Variants in HS3ST3A1 observed in about 807,000 individuals in gnomAD.
The protein encoded by HS3ST3A1 is heparan sulfate-glucosamine 3-sulfotransferase 3A1.
In HS3ST3A1, 19 loss-of-function variants were observed where a neutral mutation model predicts 25.7. The observed-to-expected ratio is 0.74, with a 90% confidence interval of 0.52 to 1.08. The LOEUF is 1.08. Ranked by LOEUF, HS3ST3A1 falls within the 50% of genes least tolerant of loss-of-function variation. The pLI, the probability that HS3ST3A1 is intolerant of heterozygous loss-of-function variation, is 0.00. For synonymous variants in HS3ST3A1, 226 were observed against 278.6 expected, an observed-to-expected ratio of 0.81 and a Z score of 1.88; for missense variants, 459 against 594.3, an observed-to-expected ratio of 0.77 and a Z score of 2.37.
intron 1 of HS3ST3A1, among the ~76,000 whole-genome samples, chr17:13,551,763 G>A (rs1478316032): frequency 6.6e-6 from 1 of 152,028 alleles, no homozygotes; most frequent in Non-Finnish European, 1.5e-5. Flanking sequence ...ATTAGTTAAG[G>A]TCCAATGACC....
chr17:13,597,151 C>A (rs555560432), intron 1 of HS3ST3A1, among the ~76,000 whole-genome samples: 45 of 152,016 alleles, frequency 3.0e-4, no homozygotes, highest in Non-Finnish European at 5.7e-4. Context: ...ATAAATATTT[C>A]CTATCTTGTA....
At chr17:13,573,503 CT>C (rs1385760617) in intron 1 of HS3ST3A1, among the ~76,000 whole-genome samples, 1 of 152,098 alleles carries the variant, frequency 6.6e-6, no homozygotes, top group African/African-American at 2.4e-5. Context: ...TTTATGATTC[CT>C]TTTTAGTCTC....
rs1172611976 is a variant in HS3ST3A1, at chr17:13,524,638, C to T, written c.600-27820G>A. 3.3e-5 allele frequency among the ~76,000 whole-genome samples: 5 copies of T among 152,248 alleles called. No individual in the cohort carries two copies. In the East Asian group the frequency reaches 5.8e-4, roughly 18 times the overall value. On this transcript the variant is annotated intron_variant, in intron 1 of 1. Transcript: ENST00000284110. ...AATGTATTAGAATATTCCACCAGTA[C>T]TGTGGTATTTTTAAAAAATTTCTAC...
At chr17:13,531,232 T>C (rs1906595447) in intron 1 of HS3ST3A1, among the ~76,000 whole-genome samples, 1 of 152,222 alleles carries the variant, frequency 6.6e-6, no homozygotes, top group East Asian at 1.9e-4. Flanking sequence ...TTAAAACATG[T>C]CCATTAGTAA....
intron 1 of HS3ST3A1, among the ~76,000 whole-genome samples, chr17:13,571,258 CT>C (rs1907801890): frequency 6.6e-6 from 1 of 152,140 alleles, no homozygotes; most frequent in Non-Finnish European, 1.5e-5. Context: ...CCGAAATACT[CT>C]GTGTGACGGC....
At chr17:13,508,707 C>T (rs1210294105) in intron 1 of HS3ST3A1, among the ~76,000 whole-genome samples, 1 of 152,176 alleles carries the variant, frequency 6.6e-6, no homozygotes, top group African/African-American at 2.4e-5. Flanking sequence ...CTCCTAGGAG[C>T]CGGTGTGCTT....
chr17:13,513,393 A>C (rs576263037), intron 1 of HS3ST3A1, among the ~76,000 whole-genome samples: 74 of 152,356 alleles, frequency 4.9e-4, no homozygotes, highest in Non-Finnish European at 4.9e-4. Flanking sequence ...TTTTAAAAAA[A>C]TTAAACTTCA....
In HS3ST3A1 at chr17:13,494,979, A is replaced by G. The variant is rs1905229072; in HGVS notation, c.*1218T>C. 6.6e-6 allele frequency among the ~76,000 whole-genome samples: 1 copy of G among 152,204 alleles called. No homozygotes were observed. The highest frequency in any genetic ancestry group is 6.5e-5 in the Admixed American group (1 of 15,276). On this transcript the variant is annotated 3_prime_UTR_variant, in exon 2 of 2. Transcript: ENST00000284110. ...AAAATGATAGTCCTCCATCCATGAA[A>G]AATAAAAACATTTTAAACGAACTGC...
chr17:13,600,671 CGGCA>C lies in HS3ST3A1; in HGVS notation c.455_458del (p.Leu152ArgfsTer8), dbSNP rs1908699761. The C allele has an allele frequency of 6.3e-7, 1 of 1,587,900 alleles. No individual in the cohort carries two copies. ...TCTTCACTCCGATGATGATGGCCTGCGGCAGCTGCTTGCTGCCTTCGTCCAGGAG... is the reference window on the plus strand; with the variant it reads ...TCTTCACTCCGATGATGATGGCCTGCGCTGCTTGCTGCCTTCGTCCAGGAG... On this transcript the variant is annotated frameshift_variant, in exon 1 of 2. Transcript: ENST00000284110. LOFTEE classifies it high-confidence loss of function.
intron 1 of HS3ST3A1, among the ~76,000 whole-genome samples, chr17:13,590,326 T>TAA (rs59735905): frequency 0.09 from 13,256 of 147,400 alleles, 673 homozygotes; most frequent in Non-Finnish European, 0.12. Flanking sequence ...TCTGTGAGGT[T>TAA]AAAAAAAAAA....
chr17:13,524,578 T>C (rs756162530), intron 1 of HS3ST3A1, among the ~76,000 whole-genome samples: 2 of 152,198 alleles, frequency 1.3e-5, no homozygotes, highest in Non-Finnish European at 2.9e-5. Context: ...ATATTTATTC[T>C]TGTTTTTCCA....
chr17:13,580,341 CT>C, intron 1 of HS3ST3A1, among the ~76,000 whole-genome samples: 1 of 152,096 alleles, frequency 6.6e-6, no homozygotes, highest in East Asian at 1.9e-4. Context: ...GACACTTTGA[CT>C]TTGAAAAAGC....
rs1012056993 is a variant in HS3ST3A1 at position 13,600,906 on chromosome 17, G to C, written c.224C>G (p.Pro75Arg). The part of the protein sequence containing the change: ...APGGGVLAGG[P>R]RELAVWPAAA... ...CGCCGGCCACACCGCCAGCTCCCTC[G>C]GGCCTCCGGCCAGGACGCCGCCACC... The change falls in exon 1 of 2, where the codon CCG (proline) becomes CGG (arginine). Residue 75 changes from proline to arginine, a missense_variant. By Grantham distance (103) the Pro-to-Arg change is moderately radical. This residue lies in a region of HS3ST3A1 where 346 missense variants were observed against 303.9 expected (regional missense o/e 1.14). Coordinates refer to ENST00000284110, the MANE Select transcript of HS3ST3A1 (RefSeq NM_006042.3). The C allele has an allele frequency of 3.3e-6, 5 of 1,515,358 alleles. No homozygotes were observed. The highest frequency in any genetic ancestry group is 2.9e-5 in the African/African-American group (2 of 68,950). 93.9% of individuals were successfully genotyped at this position (1,515,358 alleles called of 1,614,324 possible). A position where few individuals can be genotyped will look rare whatever the true frequency, so the allele number is the denominator to read the frequency against.
chr17:13,548,729 C>T (rs1486733695), intron 1 of HS3ST3A1, among the ~76,000 whole-genome samples: 1 of 152,066 alleles, frequency 6.6e-6, no homozygotes, highest in Non-Finnish European at 1.5e-5. Context: ...TCAAACGCAC[C>T]AATCATCACT....
chr17:13,590,161 AAATT>A, intron 1 of HS3ST3A1, among the ~76,000 whole-genome samples: 1 of 152,180 alleles, frequency 6.6e-6, no homozygotes, highest in Non-Finnish European at 1.5e-5. Context: ...CATAAAACAC[AAATT>A]ATTTCCAAGG....
intron 1 of HS3ST3A1, among the ~76,000 whole-genome samples, chr17:13,548,360 G>A (rs993951077): frequency 8.5e-5 from 13 of 152,164 alleles, no homozygotes; most frequent in South Asian, 2.1e-4. Flanking sequence ...CACTAATCCC[G>A]TCATAGCATC....
Position 13,496,841 on chromosome 17 carries a change from T to A in HS3ST3A1, c.600-23A>T, listed in dbSNP as rs758059869. 6.2e-6 allele frequency: 10 copies of A among 1,604,294 alleles called. No individual in the cohort carries two copies. The South Asian group carries it at 1.1e-4, about 18-fold the overall frequency. On this transcript the variant is annotated intron_variant, in intron 1 of 1. Transcript: ENST00000284110. ...TCCCTGAGAAACGCAAAAAGGCATG[T>A]CAGAGATGTGCAGAGAGAGCTCAGT...
chr17:13,579,764 T>C (rs1598431991), intron 1 of HS3ST3A1, among the ~76,000 whole-genome samples: 2 of 122,870 alleles, frequency 1.6e-5, no homozygotes, highest in Admixed American at 9.1e-5. Context: ...CTGACAGAAC[T>C]CCTCAGATCA....
intron 1 of HS3ST3A1, 40 bp from the exon 2 acceptor site, chr17:13,496,858 G>A (rs773802955): frequency 1.3e-6 from 2 of 1,592,276 alleles, no homozygotes; most frequent in Non-Finnish European, 1.7e-6. Context: ...TGTGCAGAGA[G>A]AGCTCAGTCC....
Sources: gnomAD v4.1 joint callset for allele counts (sites outside exome capture counted in the v4.1 genomes callset) on GRCh38, gnomAD v4.1.1 for gene constraint, gnomAD v4.1.1 regional missense constraint, MANE v1.5 for transcripts, NCBI Gene and HGNC (gene_info 2026-07-23, HGNC 2026-07-21) for gene names.